DNER: variants seen among roughly 807,000 people sequenced by gnomAD.
DNER encodes delta/notch like EGF repeat containing.
Under a neutral mutation model 78.2 loss-of-function variants are expected in DNER, and 33 were observed. The observed-to-expected ratio is 0.42, with a 90% CI of 0.32 to 0.56. The LOEUF is 0.56. Among genes scored for constraint, DNER ranks in the 20% least tolerant of loss-of-function variants. DNER has a pLI of 0.11. For missense variants in DNER, 918 were observed against 975.3 expected, an observed-to-expected ratio of 0.94 and a Z score of 0.78; for synonymous variants, 417 against 384.8, an observed-to-expected ratio of 1.08 and a Z score of -0.98.
At chr2:229,690,626 T>C (rs1437339604) in intron 1 of DNER, among the ~76,000 whole-genome samples, 1 of 152,184 alleles carries the variant, frequency 6.6e-6, no homozygotes, top group Non-Finnish European at 1.5e-5. Context: ...ACACTAATAT[T>C]AAGTTATCAA....
At chr2:229,493,457 C>G (rs757255328) in intron 6 of DNER, among the ~76,000 whole-genome samples, 4 of 152,122 alleles carry the variant, frequency 2.6e-5, no homozygotes, top group Non-Finnish European at 5.9e-5. Context: ...TGTGTGTTTA[C>G]TATGTACAAG....
At chr2:229,534,398 T>C (rs990542914) in intron 5 of DNER, among the ~76,000 whole-genome samples, 4 of 152,208 alleles carry the variant, frequency 2.6e-5, no homozygotes, top group Non-Finnish European at 4.4e-5. Flanking sequence ...GACCAATAGA[T>C]TGTAATGAAA....
At chr2:229,375,646 A>G (rs184744175) in intron 11 of DNER, among the ~76,000 whole-genome samples, 10 of 152,226 alleles carry the variant, frequency 6.6e-5, no homozygotes, top group African/African-American at 2.4e-4. Context: ...ATGCTCATGA[A>G]AAGTTAAAAG....
intron 11 of DNER, among the ~76,000 whole-genome samples, chr2:229,370,362 C>T (rs1247185473): frequency 6.6e-6 from 1 of 152,172 alleles, no homozygotes; most frequent in Non-Finnish European, 1.5e-5. Context: ...CCTTTGAAGC[C>T]TGGTTTGTCA....
intron 7 of DNER, among the ~76,000 whole-genome samples, chr2:229,449,487 T>C (rs761026772): frequency 9.9e-5 from 15 of 152,108 alleles, no homozygotes; most frequent in Admixed American, 4.6e-4. Context: ...AGGAATAATT[T>C]TGAGAAATGA....
At chr2:229,501,462 A>G (rs915167548) in intron 6 of DNER, among the ~76,000 whole-genome samples, 5 of 152,064 alleles carry the variant, frequency 3.3e-5, no homozygotes, top group African/African-American at 1.2e-4. Flanking sequence ...GATACTTGAC[A>G]TAGAAATTAA....
chr2:229,530,015 TGAA>T (rs368274157), intron 5 of DNER, among the ~76,000 whole-genome samples: 3,126 of 147,332 alleles, frequency 0.021, 50 homozygotes, highest in Middle Eastern at 0.062. Context: ...AAAAAAAAAA[TGAA>T]GAAGGTTAAT....
At chr2:229,464,801 G>C (rs1012050234) in intron 7 of DNER, among the ~76,000 whole-genome samples, 1 of 152,146 alleles carries the variant, frequency 6.6e-6, no homozygotes. Flanking sequence ...GTGACACAAG[G>C]GGGAGAGAGA....
chr2:229,630,276 G>A (rs753102114), intron 1 of DNER, among the ~76,000 whole-genome samples: 4 of 152,020 alleles, frequency 2.6e-5, no homozygotes, highest in Non-Finnish European at 5.9e-5. Flanking sequence ...AGGAGTTTGA[G>A]ACCAGCCTGG....
At chr2:229,492,911 T>C (rs1695431077) in intron 6 of DNER, among the ~76,000 whole-genome samples, 2 of 152,172 alleles carry the variant, frequency 1.3e-5, no homozygotes, top group African/African-American at 4.8e-5. Context: ...CCTCAAGTTA[T>C]CGTCCAGCCT....
At chr2:229,439,136 C>T (rs938737741) in intron 8 of DNER, among the ~76,000 whole-genome samples, 5 of 152,174 alleles carry the variant, frequency 3.3e-5, no homozygotes, top group Non-Finnish European at 5.9e-5. Flanking sequence ...TAGTTATCAC[C>T]GGAGTCACAG....
chr2:229,366,963 C>T lies in DNER; in HGVS notation c.2012G>A (p.Gly671Asp). The T allele has an allele frequency of 6.2e-7, 1 of 1,614,116 alleles. No individual in the cohort carries two copies. Among genetic ancestry groups the T allele is most frequent in the South Asian group, 1.1e-5 (1 of 91,070 alleles). ...CTCCTCATAGGCTGGCCTGGAAGAA[C>T]CCTGGTATTCAATGCGGCTGATGCG... The part of the protein sequence containing the change: ...ICRISRIEYQ[G>D]SSRPAYEEFY... The change falls in exon 12 of 13, where the codon GGT becomes GAT. Residue 671 changes from glycine (G) to aspartate (D), a missense_variant. Physicochemically the swap from Gly to Asp is moderately conservative, Grantham distance 94. Coordinates refer to ENST00000341772, the MANE Select transcript of DNER (RefSeq NM_139072.4).
At chr2:229,631,369 G>A (rs1209067092) in intron 1 of DNER, among the ~76,000 whole-genome samples, 3 of 152,170 alleles carry the variant, frequency 2.0e-5, no homozygotes, top group Non-Finnish European at 2.9e-5. Flanking sequence ...TTGGAGCAGA[G>A]GTTTCTTTGA....
At chr2:229,640,852 G>A (rs535480829) in intron 1 of DNER, among the ~76,000 whole-genome samples, 1 of 152,286 alleles carries the variant, frequency 6.6e-6, no homozygotes, top group Non-Finnish European at 1.5e-5. Flanking sequence ...GGATAGAAAA[G>A]GTCAACACCT....
chr2:229,373,795 T>C (rs557009922), intron 11 of DNER, among the ~76,000 whole-genome samples: 1 of 152,318 alleles, frequency 6.6e-6, no homozygotes, highest in South Asian at 2.1e-4. Context: ...TGCAGCAATA[T>C]GGATGCAGTT....
rs1698523459 is a variant in DNER, at chr2:229,635,905, C to T, written c.277-44017G>A. ...TTAACTTACTTAATCCTCAAAAAAA[C>T]TCTGAGGGTTATTTTATAGAAAATA... On this transcript the variant is annotated intron_variant, in intron 1 of 12. Transcript: ENST00000341772. Among the ~76,000 whole-genome samples the T allele has an allele frequency of 2.0e-5, 3 of 151,870 alleles. No homozygotes were observed. In the South Asian group the frequency reaches 6.2e-4, roughly 31 times the overall value.
intron 1 of DNER, among the ~76,000 whole-genome samples, chr2:229,647,514 TATC>T (rs1698740320): frequency 6.6e-6 from 1 of 152,232 alleles, no homozygotes; most frequent in Non-Finnish European, 1.5e-5. Flanking sequence ...CTATTACAAA[TATC>T]ATAATTGTTC....
intron 8 of DNER, among the ~76,000 whole-genome samples, chr2:229,442,984 A>ACCCC (rs1487967870): frequency 6.6e-6 from 1 of 152,220 alleles, no homozygotes; most frequent in African/African-American, 2.4e-5. Flanking sequence ...TAATTGAGTT[A>ACCCC]CCAGCCCTTT....
intron 4 of DNER, among the ~76,000 whole-genome samples, chr2:229,554,539 A>G (rs1696811249): frequency 6.6e-6 from 1 of 152,188 alleles, no homozygotes; most frequent in Non-Finnish European, 1.5e-5. Flanking sequence ...TAAAAATACA[A>G]AAATCAGCAG....
Sources: allele counts gnomAD v4.1 joint callset (sites outside exome capture counted in the v4.1 genomes callset), GRCh38; gene constraint gnomAD v4.1.1; transcripts MANE v1.5; gene names NCBI Gene and HGNC (gene_info 2026-07-23, HGNC 2026-07-21).